The following C1QTNF2 variants were observed in gnomAD, a reference collection of about 807,000 sequenced individuals.
The protein encoded by C1QTNF2 is C1q and TNF related 2, also known as complement C1q tumor necrosis factor-related protein 2.
A neutral mutation model predicts 17.4 loss-of-function variants in C1QTNF2; 15 were observed. That is an observed-to-expected ratio of 0.86 (90% CI 0.58 to 1.33). The LOEUF (loss-of-function observed/expected upper bound fraction) is 1.33. C1QTNF2 is among the 40% of genes most tolerant of loss of function. C1QTNF2 has a pLI of 0.00. For missense variants in C1QTNF2, 381 were observed against 392.3 expected, an observed-to-expected ratio of 0.97 and a Z score of 0.24; for synonymous variants, 154 against 163.3, an observed-to-expected ratio of 0.94 and a Z score of 0.44.
intron 2 of C1QTNF2, among the ~76,000 whole-genome samples, chr5:160,351,951 C>G (rs1444955666): frequency 2.7e-5 from 4 of 149,532 alleles, no homozygotes; most frequent in Non-Finnish European, 3.0e-5. Flanking sequence ...CACGCTGTTA[C>G]GCAGGCTGGA....
rs147792952 is a variant in C1QTNF2 at position 160,366,087 on chromosome 5, C to T, written c.-10+4425G>A. Among the ~76,000 whole-genome samples the T allele has an allele frequency of 2.6e-5, 4 of 152,290 alleles. No homozygotes were observed. The East Asian group carries it at 7.7e-4, about 29-fold the overall frequency. On this transcript the variant is annotated intron_variant, in intron 1 of 2. Coordinates refer to ENST00000652664, the MANE Select transcript of C1QTNF2 (RefSeq NM_031908.6). ...GTACACACTGTGCCCTATTTGTAGTCTTTCATCCATTGCTCCCTTTCACCC... is the reference window on the plus strand; with the variant it reads ...GTACACACTGTGCCCTATTTGTAGTTTTTCATCCATTGCTCCCTTTCACCC...
intron 2 of C1QTNF2, among the ~76,000 whole-genome samples, chr5:160,352,797 G>A (rs1335837024): frequency 6.6e-6 from 1 of 152,202 alleles, no homozygotes. Flanking sequence ...CTGGGGAGGA[G>A]GTACCTTTGA....
In C1QTNF2 at chr5:160,349,995, C is replaced by A. The variant is rs1337092520; in HGVS notation, c.245-214G>T. ...CTTACCTTCAAGAATCACTGTGGATCAGGGCAAAAAGAATAACTTGTAACA... is the reference window on the plus strand; with the variant it reads ...CTTACCTTCAAGAATCACTGTGGATAAGGGCAAAAAGAATAACTTGTAACA... On this transcript the variant is annotated intron_variant, in intron 2 of 2. Transcript: ENST00000652664. The surrounding 1 kb of genome is among the most constrained non-coding windows in gnomAD (Gnocchi z 4.3). Among the ~76,000 whole-genome samples the A allele has an allele frequency of 6.6e-6, 1 of 152,224 alleles. No individual in the cohort carries two copies. The highest frequency in any genetic ancestry group is 1.5e-5 in the Non-Finnish European group (1 of 68,036).
In C1QTNF2 at chr5:160,349,121, C is replaced by G. The variant is rs1232613504; in HGVS notation, c.*47G>C. ...AGTTGTGGGGTCTTGCTCTGTAAGC[C>G]CAAGTCCAGAAGCTTGTTCCCTGCC... On this transcript the variant is annotated 3_prime_UTR_variant, in exon 3 of 3. Coordinates refer to ENST00000652664, the MANE Select transcript of C1QTNF2 (RefSeq NM_031908.6). The surrounding 1 kb of genome is among the most constrained non-coding windows in gnomAD (Gnocchi z 4.3). 11 of 1,562,298 alleles carry G rather than the reference C, an allele frequency of 7.0e-6. No homozygotes were observed. Among genetic ancestry groups the G allele is most frequent in the Middle Eastern group, 2.0e-4 (1 of 4,946 alleles).
At chr5:160,361,780 C>G (rs995687229) in intron 1 of C1QTNF2, among the ~76,000 whole-genome samples, 3 of 152,190 alleles carry the variant, frequency 2.0e-5, no homozygotes, top group Non-Finnish European at 4.4e-5. Context: ...CTTCAAGTCT[C>G]AGGTCTCATA....
At position 160,348,910 on chromosome 5, in the gene C1QTNF2, T is replaced by C; in HGVS notation, c.*258A>G. 2.2e-6 allele frequency: 1 copy of C among 449,810 alleles called. No individual in the cohort carries two copies. The highest frequency in any genetic ancestry group is 3.9e-6 in the Non-Finnish European group (1 of 255,702). The allele number at this position is 449,810 out of a possible 1,614,324, so 27.9% of individuals were successfully genotyped here. A position where few individuals can be genotyped will look rare whatever the true frequency, so the allele number is the denominator to read the frequency against. ...CTGCATGAGGACAGATACTCTGTCT[T>C]GTCCACTGCTGCATCTTTCAGAGAA... On this transcript the variant is annotated 3_prime_UTR_variant, in exon 3 of 3. Transcript: ENST00000652664.
At chr5:160,356,942 C>T (rs1450885842) in intron 1 of C1QTNF2, among the ~76,000 whole-genome samples, 1 of 152,110 alleles carries the variant, frequency 6.6e-6, no homozygotes, top group Non-Finnish European at 1.5e-5. Context: ...CCTAGACTTG[C>T]AGAGAAAGGA....
chr5:160,351,613 T>C (rs760544769), intron 2 of C1QTNF2, among the ~76,000 whole-genome samples: 6 of 152,130 alleles, frequency 3.9e-5, no homozygotes, highest in Non-Finnish European at 1.5e-5. Flanking sequence ...TAAATACATA[T>C]GTAAATATAT....
chr5:160,366,783 G>A (rs565323036), intron 1 of C1QTNF2, among the ~76,000 whole-genome samples: 1 of 151,990 alleles, frequency 6.6e-6, no homozygotes, highest in East Asian at 1.9e-4. Context: ...CAGCACTTTT[G>A]GAGGCCAAAG....
chr5:160,370,527 C>A lies in C1QTNF2; in HGVS notation c.-25G>T. 1 of 1,490,110 alleles carries A rather than the reference C, an allele frequency of 6.7e-7. No homozygotes were observed. The highest frequency in any genetic ancestry group is 8.9e-7 in the Non-Finnish European group (1 of 1,129,710). 92.3% of individuals were successfully genotyped at this position (1,490,110 alleles called of 1,614,324 possible). ...GGACACTCACCCTCGCGGCTGCCCG[C>A]CACGTCCAGGGGCGTCCGGAGCAAA... On this transcript the variant is annotated 5_prime_UTR_variant, in exon 1 of 3. Transcript: ENST00000652664.
chr5:160,366,887 G>A (rs1400469660), intron 1 of C1QTNF2, among the ~76,000 whole-genome samples: 1 of 132,652 alleles, frequency 7.5e-6, no homozygotes, highest in African/African-American at 2.6e-5. Flanking sequence ...AGCCGGGCGT[G>A]GTGGTGCATG....
At position 160,349,764 on chromosome 5, in the gene C1QTNF2, C is replaced by T. The variant is rs560924324; in HGVS notation, c.262G>A (p.Gly88Ser). 6.5e-6 allele frequency: 10 copies of T among 1,527,266 alleles called. No individual in the cohort carries two copies. Among genetic ancestry groups the T allele is most frequent in the East Asian group, 2.2e-5 (1 of 44,462 alleles). The allele number at this position is 1,527,266 out of a possible 1,614,324, so 94.6% of individuals were successfully genotyped here. A position where few individuals can be genotyped will look rare whatever the true frequency, so the allele number is the denominator to read the frequency against. The change falls in exon 3 of 3, where the codon GGT (glycine) becomes AGT (serine). Residue 88 changes from glycine (G) to serine (S), a missense_variant. Coordinates refer to ENST00000652664, the MANE Select transcript of C1QTNF2 (RefSeq NM_031908.6). The surrounding 1 kb of genome is among the most constrained non-coding windows in gnomAD (Gnocchi z 4.3). ...SGEEGPPGRT[G>S]NRGKPGPKGK... The stretch of plus-strand genomic sequence containing the variant: ...TTTGGTCCTGGCTTTCCCCGGTTAC[C>T]TGTCCGGCCAGGTGGACCTGGAAGA...
intron 1 of C1QTNF2, among the ~76,000 whole-genome samples, chr5:160,368,874 G>A (rs12521954): frequency 0.41 from 62,390 of 152,012 alleles, 13,505 homozygotes; most frequent in Middle Eastern, 0.5. Context: ...TGGAGACAGA[G>A]TGGCTTCAAA....
chr5:160,355,435 G>C, intron 1 of C1QTNF2: 1 of 198,776 alleles, frequency 5.0e-6, no homozygotes, highest in Non-Finnish European at 9.0e-6. Context: ...TTGAATTGTA[G>C]GTGACTTTGC....
intron 1 of C1QTNF2, among the ~76,000 whole-genome samples, chr5:160,361,418 C>T (rs1254917971): frequency 6.6e-6 from 1 of 152,178 alleles, no homozygotes; most frequent in African/African-American, 2.4e-5. Flanking sequence ...CCTACTAGGC[C>T]TGGGTGCTGA....
chr5:160,364,320 C>T (rs1244100314), intron 1 of C1QTNF2, among the ~76,000 whole-genome samples: 1 of 152,164 alleles, frequency 6.6e-6, no homozygotes, highest in Non-Finnish European at 1.5e-5. Flanking sequence ...TACCTTTACA[C>T]GTTACTTAAT....
chr5:160,364,027 A>G (rs1009759221), intron 1 of C1QTNF2, among the ~76,000 whole-genome samples: 1 of 152,254 alleles, frequency 6.6e-6, no homozygotes. Flanking sequence ...TTGTAGTCAC[A>G]TTAAAAAAGT....
intron 1 of C1QTNF2, among the ~76,000 whole-genome samples, chr5:160,367,021 CAAAAA>C (rs71285021): frequency 1.1e-5 from 1 of 87,356 alleles, no homozygotes. Flanking sequence ...AAGACATTGT[CAAAAA>C]AAAAAAAAAA....
Position 160,349,729 on chromosome 5 carries a change from G to A in C1QTNF2, c.297C>T (p.Ala99=), listed in dbSNP as rs769215306. 37 of 1,555,130 alleles carry A rather than the reference G, an allele frequency of 2.4e-5. No individual in the cohort carries two copies. Among genetic ancestry groups the A allele is most frequent in the South Asian group, 1.7e-4 (14 of 81,372 alleles). ...NRGKPGPKGK[A]GAIGRAGPRG... The stretch of plus-strand genomic sequence containing the variant: ...GGGGGCCAGCCCGCCCAATGGCCCC[G>A]GCTTTGCCCTTTGGTCCTGGCTTTC... The change falls in exon 3 of 3, where the codon GCC becomes GCT. Residue 99 remains alanine (A), a synonymous_variant. Coordinates refer to ENST00000652664, the MANE Select transcript of C1QTNF2 (RefSeq NM_031908.6). This position sits in a 1 kb window ranked among gnomAD's most constrained non-coding sequence, Gnocchi z 4.3.
Sources: allele counts gnomAD v4.1 joint callset (sites outside exome capture counted in the v4.1 genomes callset), GRCh38; gene constraint gnomAD v4.1.1; non-coding constraint Gnocchi (gnomAD v3.1); transcripts MANE v1.5; gene names NCBI Gene and HGNC (gene_info 2026-07-23, HGNC 2026-07-21).